Variants in LRP1B observed in about 807,000 individuals in gnomAD.
The protein encoded by LRP1B is LDL receptor related protein 1B, also known as low-density lipoprotein receptor-related protein 1B.
LRP1B carries 217 observed loss-of-function variants against 556.6 expected under a neutral mutation model. The observed-to-expected ratio is 0.39, with a 90% CI of 0.35 to 0.44. The LOEUF (loss-of-function observed/expected upper bound fraction) is 0.44. Among genes scored for constraint, LRP1B ranks in the 20% least tolerant of loss-of-function variants. The pLI, the probability that LRP1B is intolerant of heterozygous loss-of-function variation, is 1.00. For synonymous variants in LRP1B, 2,047 were observed against 1,865.8 expected, an observed-to-expected ratio of 1.10 and a Z score of -2.50; for missense variants, 5,053 against 5,620.8, an observed-to-expected ratio of 0.90 and a Z score of 3.23.
At chr2:140,752,322 C>CTT (rs34686176) in intron 35 of LRP1B, among the ~76,000 whole-genome samples, 29,845 of 135,912 alleles carry the variant, frequency 0.22, 3,414 homozygotes, top group Non-Finnish European at 0.24. Context: ...ACTTAAAATA[C>CTT]TTTTTTTTTT....
At chr2:142,117,833 A>G (rs1707327525) in intron 1 of LRP1B, among the ~76,000 whole-genome samples, 1 of 152,098 alleles carries the variant, frequency 6.6e-6, no homozygotes, top group African/African-American at 2.4e-5. Flanking sequence ...ATTTTCTCCA[A>G]TTTACAAGTC....
At chr2:140,732,231 C>T (rs1687803774) in intron 35 of LRP1B, among the ~76,000 whole-genome samples, 1 of 151,666 alleles carries the variant, frequency 6.6e-6, no homozygotes, top group Admixed American at 6.6e-5. Context: ...AAAAAGTACT[C>T]CACCAGATTG....
chr2:141,179,195 T>C (rs928667324), intron 7 of LRP1B, among the ~76,000 whole-genome samples: 3 of 152,056 alleles, frequency 2.0e-5, no homozygotes, highest in African/African-American at 7.2e-5. Flanking sequence ...ATTTGGAGGC[T>C]TTTTGATCAT....
intron 63 of LRP1B, 89 bp from the exon 64 acceptor site, chr2:140,444,768 A>G: frequency 2.7e-6 from 2 of 753,704 alleles, no homozygotes; most frequent in Non-Finnish European, 2.3e-6. Flanking sequence ...GATATTTACT[A>G]TAATAAATAT....
At chr2:141,550,877 T>C (rs1449744220) in intron 2 of LRP1B, among the ~76,000 whole-genome samples, 1 of 152,094 alleles carries the variant, frequency 6.6e-6, no homozygotes, top group Non-Finnish European at 1.5e-5. Context: ...GGATGATGTG[T>C]CATATGCCAT....
At chr2:141,787,360 G>C (rs1334739084) in intron 2 of LRP1B, among the ~76,000 whole-genome samples, 1 of 151,908 alleles carries the variant, frequency 6.6e-6, no homozygotes, top group Non-Finnish European at 1.5e-5. Flanking sequence ...ACCAGTGAAT[G>C]TATCAGAAAA....
chr2:140,909,809 T>G (rs936044817), intron 21 of LRP1B, among the ~76,000 whole-genome samples: 3 of 150,978 alleles, frequency 2.0e-5, no homozygotes, highest in African/African-American at 4.8e-5. Flanking sequence ...GAAAAACAGA[T>G]TTCATATCTA....
chr2:142,088,322 C>T (rs1461797236), intron 1 of LRP1B, among the ~76,000 whole-genome samples: 1 of 151,992 alleles, frequency 6.6e-6, no homozygotes, highest in Non-Finnish European at 1.5e-5. Context: ...ATAAATTTTC[C>T]CAGCTACATT....
chr2:140,251,877 T>C (rs1161433065), intron 86 of LRP1B, among the ~76,000 whole-genome samples: 2 of 150,948 alleles, frequency 1.3e-5, no homozygotes, highest in East Asian at 3.9e-4. Flanking sequence ...GTGAAGAAAA[T>C]CAGAAAAACA....
intron 6 of LRP1B, among the ~76,000 whole-genome samples, chr2:141,195,238 A>G (rs192500590): frequency 8.5e-5 from 13 of 152,074 alleles, no homozygotes; most frequent in African/African-American, 2.9e-4. Context: ...AAGCAGCCCT[A>G]TGTGGTCTAC....
At chr2:141,339,766 CTTTTA>C (rs1452690200) in intron 3 of LRP1B, among the ~76,000 whole-genome samples, 3 of 150,952 alleles carry the variant, frequency 2.0e-5, no homozygotes, top group Non-Finnish European at 3.0e-5. Flanking sequence ...TTATTTTTCT[CTTTTA>C]TTTATTTATT....
At chr2:141,615,819 T>G (rs1688275962) in intron 2 of LRP1B, among the ~76,000 whole-genome samples, 1 of 152,198 alleles carries the variant, frequency 6.6e-6, no homozygotes, top group Non-Finnish European at 1.5e-5. Flanking sequence ...TTAGCATTTA[T>G]TCCTAGGATA....
chr2:141,159,996 G>T (rs1205928904), intron 7 of LRP1B, among the ~76,000 whole-genome samples: 2 of 152,008 alleles, frequency 1.3e-5, no homozygotes, highest in African/African-American at 2.4e-5. Context: ...CTGTTGAGGG[G>T]TGGGAGGTGA....
chr2:142,102,205 A>G (rs1002220795), intron 1 of LRP1B, among the ~76,000 whole-genome samples: 1 of 151,992 alleles, frequency 6.6e-6, no homozygotes, highest in Admixed American at 6.6e-5. Context: ...GCAGCGTCTC[A>G]AAACATTAGC....
chr2:141,897,692 T>C (rs1158720116), intron 1 of LRP1B, among the ~76,000 whole-genome samples: 1 of 152,166 alleles, frequency 6.6e-6, no homozygotes, highest in Non-Finnish European at 1.5e-5. Context: ...CTTTTTGGTG[T>C]GGAAAACTGT....
intron 41 of LRP1B, among the ~76,000 whole-genome samples, chr2:140,699,883 A>G (rs1188655440): frequency 6.8e-6 from 1 of 147,762 alleles, no homozygotes; most frequent in Non-Finnish European, 1.5e-5. Context: ...ACTATTACTG[A>G]ACAGATATTC....
intron 7 of LRP1B, among the ~76,000 whole-genome samples, chr2:141,147,337 A>G (rs1006396523): frequency 7.9e-5 from 12 of 152,240 alleles, no homozygotes; most frequent in African/African-American, 2.2e-4. Flanking sequence ...TGAGGTTCCT[A>G]TGAGGACCCT....
intron 15 of LRP1B, among the ~76,000 whole-genome samples, chr2:140,997,592 A>G (rs1357751479): frequency 6.6e-6 from 1 of 151,968 alleles, no homozygotes; most frequent in Non-Finnish European, 1.5e-5. Flanking sequence ...TGTCAACTGC[A>G]TCAGAATTAT....
intron 1 of LRP1B, among the ~76,000 whole-genome samples, chr2:141,838,264 C>G (rs181169806): frequency 3.3e-5 from 5 of 152,178 alleles, no homozygotes; most frequent in Admixed American, 3.3e-4. Flanking sequence ...GAACAAAATG[C>G]AGTGTGAATA....
Sources: gnomAD v4.1 joint callset for allele counts (sites outside exome capture counted in the v4.1 genomes callset) on GRCh38, gnomAD v4.1.1 for gene constraint, MANE v1.5 for transcripts, NCBI Gene and HGNC (gene_info 2026-07-23, HGNC 2026-07-21) for gene names.